The following SCML4 variants were observed in gnomAD, a reference collection of about 807,000 sequenced individuals.
SCML4 encodes the protein sex comb on midleg-like protein 4.
SCML4 carries 34 observed loss-of-function variants against 41.1 expected under a neutral mutation model. The ratio of observed to expected loss-of-function variants is 0.83; its 90% CI spans 0.63 to 1.10. The LOEUF is 1.10. Ranked by LOEUF, SCML4 falls within the 50% of genes least tolerant of loss-of-function variation. SCML4 has a pLI of 0.00. For synonymous variants in SCML4, 214 were observed against 220.9 expected, an observed-to-expected ratio of 0.97 and a Z score of 0.28; for missense variants, 522 against 534.1, an observed-to-expected ratio of 0.98 and a Z score of 0.22.
chr6:107,752,767 C>T (rs948250202), intron 2 of SCML4, among the ~76,000 whole-genome samples: 1 of 151,920 alleles, frequency 6.6e-6, no homozygotes, highest in Non-Finnish European at 1.5e-5. Context: ...TCTTTGCCCT[C>T]GTGGAACTGA....
At chr6:107,715,943 C>A (rs1774741004) in intron 6 of SCML4, among the ~76,000 whole-genome samples, 2 of 111,062 alleles carry the variant, frequency 1.8e-5, no homozygotes, top group Non-Finnish European at 1.6e-5. Flanking sequence ...ATGATAACTG[C>A]TTTTTACTTG....
At chr6:107,717,475 C>T (rs962205806) in intron 6 of SCML4, among the ~76,000 whole-genome samples, 2 of 152,122 alleles carry the variant, frequency 1.3e-5, no homozygotes, top group Non-Finnish European at 2.9e-5. Context: ...CCCACAGTCC[C>T]GTGGTGGGGG....
At chr6:107,735,522 G>A (rs961623228) in intron 5 of SCML4, among the ~76,000 whole-genome samples, 7 of 151,610 alleles carry the variant, frequency 4.6e-5, no homozygotes, top group Non-Finnish European at 7.4e-5. Context: ...GTCATGGCCC[G>A]ACACAGTGGC....
chr6:107,817,723 C>A (rs966139900), intron 1 of SCML4, among the ~76,000 whole-genome samples: 3 of 151,178 alleles, frequency 2.0e-5, no homozygotes, highest in Non-Finnish European at 2.9e-5. Context: ...TGGGTTCATG[C>A]CAAATGACTT....
At chr6:107,706,753 A>T (rs1186837532) in intron 7 of SCML4, among the ~76,000 whole-genome samples, 1 of 152,192 alleles carries the variant, frequency 6.6e-6, no homozygotes, top group Non-Finnish European at 1.5e-5. Flanking sequence ...AGAGGACATC[A>T]GCAGTGAGAA....
At chr6:107,845,242 C>T in the SCML4 span, among the ~76,000 whole-genome samples, 1 of 151,526 alleles carries the variant, frequency 6.6e-6, no homozygotes. Flanking sequence ...AAAAAAAAAT[C>T]TCATCCCCAA....
chr6:107,715,126 C>A (rs1303859883), intron 6 of SCML4, among the ~76,000 whole-genome samples: 1 of 149,842 alleles, frequency 6.7e-6, no homozygotes, highest in African/African-American at 2.5e-5. Flanking sequence ...AGGCATGTGC[C>A]GCCACACCCA....
At chr6:107,752,765 C>T (rs1261304218) in intron 2 of SCML4, among the ~76,000 whole-genome samples, 3 of 152,028 alleles carry the variant, frequency 2.0e-5, no homozygotes, top group Non-Finnish European at 4.4e-5. Context: ...AATCTTTGCC[C>T]TCGTGGAACT....
At chr6:107,834,376 G>A in the SCML4 span, among the ~76,000 whole-genome samples, 1 of 152,202 alleles carries the variant, frequency 6.6e-6, no homozygotes, top group African/African-American at 2.4e-5. Flanking sequence ...TTCAGAGAAA[G>A]TTCACCTCCT....
At chr6:107,748,164 GA>G (rs1432394273) in intron 3 of SCML4, among the ~76,000 whole-genome samples, 1 of 152,192 alleles carries the variant, frequency 6.6e-6, no homozygotes, top group East Asian at 1.9e-4. Flanking sequence ...CCAAGAAATA[GA>G]AATTGTAAAA....
chr6:107,736,948 GT>G (rs961325690), intron 5 of SCML4, among the ~76,000 whole-genome samples: 3 of 152,188 alleles, frequency 2.0e-5, no homozygotes, highest in African/African-American at 4.8e-5. Context: ...TAAACAATCT[GT>G]CCCCATTATG....
In SCML4 at chr6:107,714,712, G is replaced by C. The variant is rs561557796; in HGVS notation, c.973+5991C>G. 4.6e-5 allele frequency among the ~76,000 whole-genome samples: 7 copies of C among 152,092 alleles called. No homozygotes were observed. The East Asian group carries it at 1.3e-3, about 29-fold the overall frequency. ...AACTGCCTGCTCTATAAAACACCTC[G>C]TTGAGCTGTTGCAAGGATTAAATGG... On this transcript the variant is annotated intron_variant, in intron 6 of 7. Coordinates refer to ENST00000369020, the MANE Select transcript of SCML4 (RefSeq NM_198081.5).
At chr6:107,839,728 G>C in the SCML4 span, among the ~76,000 whole-genome samples, 3 of 151,992 alleles carry the variant, frequency 2.0e-5, no homozygotes, top group Non-Finnish European at 2.9e-5. Flanking sequence ...GAGAATGAGA[G>C]AGCTCACAAG....
rs74928152 is a variant in SCML4 at position 107,800,110 on chromosome 6, C to T, written c.-60+24016G>A. 0.011 allele frequency among the ~76,000 whole-genome samples: 1,602 copies of T among 151,922 alleles called. 38 individuals carry two copies. In the East Asian group the frequency reaches 0.11, roughly 10 times the overall value. On this transcript the variant is annotated intron_variant, in intron 1 of 7. Coordinates refer to ENST00000369020, the MANE Select transcript of SCML4 (RefSeq NM_198081.5). The stretch of plus-strand genomic sequence containing the variant: ...AAGCCATCCTCCCCCCTCAGCCTCC[C>T]GAGTAGTTGGAATAGACTATAGGCA...
chr6:107,762,606 A>T (rs921203617), intron 2 of SCML4, among the ~76,000 whole-genome samples: 10 of 152,188 alleles, frequency 6.6e-5, no homozygotes, highest in African/African-American at 2.4e-4. Flanking sequence ...ACAAAATGGA[A>T]ATATGGACGG....
intron 2 of SCML4, among the ~76,000 whole-genome samples, chr6:107,764,072 A>C (rs1779842698): frequency 6.6e-6 from 1 of 152,242 alleles, no homozygotes; most frequent in South Asian, 2.1e-4. Flanking sequence ...GTTAGAAGAC[A>C]TTGAATAACT....
chr6:107,711,337 C>T (rs549257115), intron 6 of SCML4, among the ~76,000 whole-genome samples: 35 of 152,254 alleles, frequency 2.3e-4, no homozygotes, highest in African/African-American at 8.4e-4. Flanking sequence ...AGTCATGCAC[C>T]GCCTAAGGAC....
chr6:107,770,447 T>C (rs953833321), intron 2 of SCML4, among the ~76,000 whole-genome samples: 2 of 152,216 alleles, frequency 1.3e-5, no homozygotes, highest in African/African-American at 4.8e-5. Flanking sequence ...ATTACGCCCA[T>C]AGCTTGGGAA....
In SCML4 at chr6:107,744,976, C is replaced by G; in HGVS notation, c.655G>C (p.Glu219Gln). 1.2e-6 allele frequency: 2 copies of G among 1,613,166 alleles called. No homozygotes were observed. Among genetic ancestry groups the G allele is most frequent in the Non-Finnish European group, 1.7e-6 (2 of 1,179,588 alleles). ...GATTCCATCCTCCCTTCCTCTTTCTCCTGGACTTTCTCAGAGGCACTGCAG... is the reference window on the plus strand; with the variant it reads ...GATTCCATCCTCCCTTCCTCTTTCTGCTGGACTTTCTCAGAGGCACTGCAG... ...RGCSASEKVQ[E>Q]KEEGRMESVK... The change falls in exon 5 of 8, where the codon GAG becomes CAG. Residue 219 changes from glutamate (E) to glutamine (Q), a missense_variant. Physicochemically the swap from Glu to Gln is conservative, Grantham distance 29 (BLOSUM62 2). Transcript: ENST00000369020.
Sources: allele counts gnomAD v4.1 joint callset (sites outside exome capture counted in the v4.1 genomes callset), GRCh38; gene constraint gnomAD v4.1.1; transcripts MANE v1.5; gene names NCBI Gene and HGNC (gene_info 2026-07-23, HGNC 2026-07-21).